Variants in CHCHD3 observed in about 807,000 individuals in gnomAD.
The protein encoded by CHCHD3 is MICOS complex subunit MIC19.
A neutral mutation model predicts 38.2 loss-of-function variants in CHCHD3; 20 were observed. The ratio of observed to expected loss-of-function variants is 0.52; its 90% CI spans 0.37 to 0.76. The LOEUF (loss-of-function observed/expected upper bound fraction) is 0.76. CHCHD3 is among the 30% of genes least tolerant of loss of function. CHCHD3 has a pLI of 0.00. For synonymous variants in CHCHD3, 82 were observed against 100.0 expected, an observed-to-expected ratio of 0.82 and a Z score of 1.07; for missense variants, 245 against 279.2, an observed-to-expected ratio of 0.88 and a Z score of 0.87.
chr7:132,906,867 C>T (rs960349728), intron 4 of CHCHD3, among the ~76,000 whole-genome samples: 10 of 152,114 alleles, frequency 6.6e-5, no homozygotes, highest in African/African-American at 2.4e-4. Context: ...TCCTGTAACA[C>T]TTTGGAGAAC....
chr7:132,880,801 C>T (rs926864599), intron 5 of CHCHD3, among the ~76,000 whole-genome samples: 1 of 151,876 alleles, frequency 6.6e-6, no homozygotes, highest in Non-Finnish European at 1.5e-5. Context: ...ATACAACAAA[C>T]AAAAATAAAG....
chr7:132,871,637 C>T lies in CHCHD3; in HGVS notation c.453+14025G>A, dbSNP rs117742093. 3.6e-3 allele frequency among the ~76,000 whole-genome samples: 551 copies of T among 152,230 alleles called. 2 individuals carry two copies. The highest frequency in any genetic ancestry group is 0.017 in the South Asian group (83 of 4,810). The stretch of plus-strand genomic sequence containing the variant: ...CCGCTGCCCACGTCACATCACAGAT[C>T]GTCCATGAAGGCAAGGTGGAAACTA... On this transcript the variant is annotated intron_variant, in intron 5 of 7. Transcript: ENST00000262570.
rs528372748 is a variant in CHCHD3, at chr7:133,036,622, T to G, written c.170-11995A>C. Among the ~76,000 whole-genome samples, 5 of 152,354 alleles carry G rather than the reference T, an allele frequency of 3.3e-5. No homozygotes were observed. The East Asian group carries it at 9.6e-4, about 29-fold the overall frequency. Reference sequence around the variant, plus strand: ...GTATGTTTAATAAAAGAGTCAGGTTTACAGAGACCTGTGTTCTCCTGACTA... The same window carrying G: ...GTATGTTTAATAAAAGAGTCAGGTTGACAGAGACCTGTGTTCTCCTGACTA... On this transcript the variant is annotated intron_variant, in intron 2 of 7. Coordinates refer to ENST00000262570, the MANE Select transcript of CHCHD3 (RefSeq NM_017812.4).
At chr7:132,992,104 G>A (rs1372292375) in intron 3 of CHCHD3, among the ~76,000 whole-genome samples, 1 of 152,150 alleles carries the variant, frequency 6.6e-6, no homozygotes, top group Non-Finnish European at 1.5e-5. Context: ...GGAAGCCAGA[G>A]GGAAACTGCA....
At chr7:132,879,022 G>T (rs921179652) in intron 5 of CHCHD3, among the ~76,000 whole-genome samples, 1 of 152,150 alleles carries the variant, frequency 6.6e-6, no homozygotes, top group African/African-American at 2.4e-5. Context: ...ACATGGGAAA[G>T]AATTTTGAAG....
intron 6 of CHCHD3, among the ~76,000 whole-genome samples, chr7:132,834,943 C>T (rs1296582522): frequency 2.7e-5 from 4 of 149,364 alleles, no homozygotes; most frequent in African/African-American, 9.9e-5. Context: ...CTTTTTTTTC[C>T]TCTCATTTAT....
intron 2 of CHCHD3, among the ~76,000 whole-genome samples, chr7:133,026,941 C>CTT (rs762656963): frequency 3.5e-5 from 5 of 142,958 alleles, no homozygotes; most frequent in African/African-American, 5.1e-5. Flanking sequence ...TGAAAATATT[C>CTT]TTTTTTTTTT....
chr7:133,037,826 C>G (rs1279600736), intron 2 of CHCHD3, among the ~76,000 whole-genome samples: 3 of 152,060 alleles, frequency 2.0e-5, no homozygotes, highest in Non-Finnish European at 4.4e-5. Flanking sequence ...AAAATAAATA[C>G]ATACATACAT....
At chr7:132,830,431 C>A (rs559723172) in intron 6 of CHCHD3, among the ~76,000 whole-genome samples, 2 of 152,164 alleles carry the variant, frequency 1.3e-5, no homozygotes, top group African/African-American at 2.4e-5. Flanking sequence ...AAACAACTTA[C>A]GACCATTTTT....
chr7:132,897,554 A>G (rs1809531867), intron 4 of CHCHD3, among the ~76,000 whole-genome samples: 1 of 152,212 alleles, frequency 6.6e-6, no homozygotes, highest in Non-Finnish European at 1.5e-5. Context: ...AAGGTCAGAA[A>G]GAGAATTGGT....
At chr7:132,932,899 T>C (rs911806194) in intron 4 of CHCHD3, among the ~76,000 whole-genome samples, 1 of 152,140 alleles carries the variant, frequency 6.6e-6, no homozygotes, top group African/African-American at 2.4e-5. Context: ...CAGAATACCT[T>C]CTTTTAATTC....
intron 5 of CHCHD3, among the ~76,000 whole-genome samples, chr7:132,854,802 A>G (rs991188764): frequency 1.3e-5 from 2 of 152,058 alleles, no homozygotes. Flanking sequence ...CTTATGATCT[A>G]CTGAGATGTA....
chr7:132,966,711 A>T (rs537322433), intron 4 of CHCHD3, among the ~76,000 whole-genome samples: 1 of 152,358 alleles, frequency 6.6e-6, no homozygotes, highest in East Asian at 1.9e-4. Flanking sequence ...CAATCTGGAA[A>T]GATTGCTGTA....
intron 4 of CHCHD3, among the ~76,000 whole-genome samples, chr7:132,960,506 AG>A (rs1562921939): frequency 4.6e-5 from 7 of 152,204 alleles, no homozygotes; most frequent in Admixed American, 3.9e-4. Flanking sequence ...AGTAATAATC[AG>A]TTTGAAGCAC....
chr7:133,026,101 C>G (rs923089191), intron 2 of CHCHD3, among the ~76,000 whole-genome samples: 1 of 152,134 alleles, frequency 6.6e-6, no homozygotes, highest in Non-Finnish European at 1.5e-5. Context: ...GAGAAAATAT[C>G]TGCAAGTCAT....
At chr7:132,888,396 T>A (rs752835834) in intron 4 of CHCHD3, among the ~76,000 whole-genome samples, 3 of 151,844 alleles carry the variant, frequency 2.0e-5, no homozygotes, top group Non-Finnish European at 4.4e-5. Flanking sequence ...CATGCACTTG[T>A]CAAAACTCAT....
chr7:132,972,483 G>T (rs1264950939), intron 4 of CHCHD3: 1 of 695,396 alleles, frequency 1.4e-6, no homozygotes, highest in Non-Finnish European at 1.8e-6. Flanking sequence ...GTAGTACATT[G>T]AGTGATTTTA....
intron 3 of CHCHD3, among the ~76,000 whole-genome samples, chr7:132,979,575 A>G (rs535159796): frequency 1.1e-5 from 1 of 95,212 alleles, no homozygotes; most frequent in Non-Finnish European, 2.5e-5. Context: ...GGGAAGGAGA[A>G]AGTGTCTTAG....
intron 6 of CHCHD3, among the ~76,000 whole-genome samples, chr7:132,827,827 A>G (rs1807544502): frequency 6.6e-6 from 1 of 152,174 alleles, no homozygotes; most frequent in African/African-American, 2.4e-5. Context: ...TTTGAGATCC[A>G]TCCGTGCTGT....
Sources: gnomAD v4.1 joint callset for allele counts (sites outside exome capture counted in the v4.1 genomes callset) on GRCh38, gnomAD v4.1.1 for gene constraint, MANE v1.5 for transcripts, NCBI Gene and HGNC (gene_info 2026-07-23, HGNC 2026-07-21) for gene names.